The following ADAMTS6 variants were observed in gnomAD, a reference collection of about 807,000 sequenced individuals.
The protein encoded by ADAMTS6 is ADAM metallopeptidase with thrombospondin type 1 motif 6.
ADAMTS6 carries 23 observed loss-of-function variants against 144.3 expected under a neutral mutation model. The ratio of observed to expected loss-of-function variants is 0.16; its 90% CI spans 0.11 to 0.23. The LOEUF (loss-of-function observed/expected upper bound fraction) is 0.23. Among genes scored for constraint, ADAMTS6 ranks in the 10% least tolerant of loss-of-function variants. The probability of loss-of-function intolerance (pLI) is 1.00; values close to 1 mark genes in which losing one functional copy is unlikely to be tolerated. For missense variants in ADAMTS6, 999 were observed against 1,379.6 expected, an observed-to-expected ratio of 0.72 and a Z score of 4.37; for synonymous variants, 444 against 457.5, an observed-to-expected ratio of 0.97 and a Z score of 0.38.
At chr5:65,381,746 A>G (rs1752068785) in intron 7 of ADAMTS6, among the ~76,000 whole-genome samples, 1 of 151,918 alleles carries the variant, frequency 6.6e-6, no homozygotes, top group Admixed American at 6.6e-5. Flanking sequence ...TGAAAGACAC[A>G]GACTTTTCCT....
chr5:65,337,081 T>C (rs905658935), intron 7 of ADAMTS6, among the ~76,000 whole-genome samples: 1 of 152,120 alleles, frequency 6.6e-6, no homozygotes. Context: ...TTATATAATA[T>C]AGAATCAAGT....
intron 11 of ADAMTS6, among the ~76,000 whole-genome samples, chr5:65,288,250 G>C (rs932399231): frequency 6.6e-6 from 1 of 151,700 alleles, no homozygotes; most frequent in African/African-American, 2.4e-5. Flanking sequence ...ATGGAAAGCT[G>C]ATCACTTCTG....
intron 7 of ADAMTS6, among the ~76,000 whole-genome samples, chr5:65,361,400 T>C (rs769416657): frequency 3.3e-5 from 5 of 152,202 alleles, no homozygotes; most frequent in Admixed American, 6.5e-5. Context: ...TACATAAATC[T>C]GGTACTCAAA....
intron 1 of ADAMTS6, among the ~76,000 whole-genome samples, chr5:65,478,114 G>A (rs545883472): frequency 6.0e-5 from 9 of 150,936 alleles, no homozygotes; most frequent in Admixed American, 3.9e-4. Flanking sequence ...GTGACAGAGC[G>A]AGGCTCCGTC....
chr5:65,295,580 C>T (rs933887488), intron 10 of ADAMTS6, among the ~76,000 whole-genome samples: 40 of 152,140 alleles, frequency 2.6e-4, no homozygotes, highest in African/African-American at 9.4e-4. Flanking sequence ...TATTATTAAA[C>T]ATATACTTGT....
chr5:65,309,466 G>A (rs1231143102), intron 9 of ADAMTS6, among the ~76,000 whole-genome samples: 1 of 151,208 alleles, frequency 6.6e-6, no homozygotes, highest in African/African-American at 2.4e-5. Context: ...TGGCAGTGGG[G>A]GGGTGGGGAG....
intron 20 of ADAMTS6, among the ~76,000 whole-genome samples, chr5:65,209,532 G>C (rs961837447): frequency 6.6e-6 from 1 of 152,206 alleles, no homozygotes; most frequent in Admixed American, 6.5e-5. Flanking sequence ...TACTTGGACT[G>C]AATCACCAAT....
chr5:65,440,998 G>C (rs941297953), intron 7 of ADAMTS6, among the ~76,000 whole-genome samples: 6 of 152,126 alleles, frequency 3.9e-5, no homozygotes, highest in Non-Finnish European at 8.8e-5. Context: ...AGATCACGAA[G>C]TATGCAAAGA....
At chr5:65,398,845 A>G (rs1355962915) in intron 7 of ADAMTS6, among the ~76,000 whole-genome samples, 1 of 141,334 alleles carries the variant, frequency 7.1e-6, no homozygotes. Context: ...AGAAAGAAAG[A>G]AAGAAAAAGA....
At chr5:65,363,032 A>C (rs970561350) in intron 7 of ADAMTS6, among the ~76,000 whole-genome samples, 10 of 152,292 alleles carry the variant, frequency 6.6e-5, no homozygotes, top group East Asian at 3.9e-4. Context: ...TAAAACTCAT[A>C]AAGATGTACC....
At chr5:65,394,567 TG>T (rs35608819) in intron 7 of ADAMTS6, among the ~76,000 whole-genome samples, 1 of 152,178 alleles carries the variant, frequency 6.6e-6, no homozygotes, top group East Asian at 1.9e-4. Context: ...TAACATGGAT[TG>T]GGTTGAGGAG....
intron 20 of ADAMTS6, among the ~76,000 whole-genome samples, chr5:65,205,862 A>T (rs1756050700): frequency 6.6e-6 from 1 of 152,108 alleles, no homozygotes; most frequent in Non-Finnish European, 1.5e-5. Context: ...ACTAACAGAG[A>T]CAGAGGAAGG....
intron 10 of ADAMTS6, among the ~76,000 whole-genome samples, chr5:65,293,110 G>A (rs1742485341): frequency 6.6e-6 from 1 of 151,998 alleles, no homozygotes; most frequent in Admixed American, 6.6e-5. Flanking sequence ...TAATGACAAA[G>A]AGGTCATATT....
At chr5:65,302,238 T>C (rs1342134168) in intron 9 of ADAMTS6, among the ~76,000 whole-genome samples, 2 of 144,496 alleles carry the variant, frequency 1.4e-5, no homozygotes, top group African/African-American at 5.0e-5. Flanking sequence ...ATATAATTAT[T>C]ATATACATAT....
chr5:65,237,219 T>A (rs888944728), intron 15 of ADAMTS6, among the ~76,000 whole-genome samples: 1 of 151,688 alleles, frequency 6.6e-6, no homozygotes, highest in Non-Finnish European at 1.5e-5. Flanking sequence ...CATAGGAAGA[T>A]GTAGTCTCTA....
chr5:65,263,107 T>G, intron 12 of ADAMTS6, 145 bp from the exon 13 acceptor site: 4 of 1,020,498 alleles, frequency 3.9e-6, no homozygotes, highest in Non-Finnish European at 5.7e-6. Flanking sequence ...CTAACTGTGT[T>G]TAGACACTGG....
At chr5:65,404,827 GATCGCCATTCTAAC>G (rs1754296944) in intron 7 of ADAMTS6, among the ~76,000 whole-genome samples, 1 of 152,104 alleles carries the variant, frequency 6.6e-6, no homozygotes, top group Admixed American at 6.5e-5. Flanking sequence ...ACTTTTTAAT[GATCGCCATTCTAAC>G]TGGTGTGAGA....
intron 8 of ADAMTS6, among the ~76,000 whole-genome samples, chr5:65,330,584 AC>A (rs1365853489): frequency 6.6e-6 from 1 of 152,094 alleles, no homozygotes; most frequent in Non-Finnish European, 1.5e-5. Flanking sequence ...TCCCAGCTGT[AC>A]TAATTAGAAA....
intron 24 of ADAMTS6, among the ~76,000 whole-genome samples, chr5:65,160,154 C>T (rs1752663356): frequency 6.6e-6 from 1 of 152,058 alleles, no homozygotes; most frequent in African/African-American, 2.4e-5. Flanking sequence ...ATACGTCTCC[C>T]CAAATCCTGC....
Sources: allele counts gnomAD v4.1 joint callset (sites outside exome capture counted in the v4.1 genomes callset), GRCh38; gene constraint gnomAD v4.1.1; transcripts MANE v1.5; gene names NCBI Gene and HGNC (gene_info 2026-07-23, HGNC 2026-07-21).